DNAJC8: variants seen among roughly 807,000 people sequenced by gnomAD.
The protein encoded by DNAJC8 is dnaJ homolog subfamily C member 8.
A neutral mutation model predicts 43.2 loss-of-function variants in DNAJC8; 24 were observed. That is an observed-to-expected ratio of 0.56 (90% confidence interval 0.40 to 0.78). DNAJC8 has a LOEUF of 0.78. DNAJC8 is among the 30% of genes least tolerant of loss of function. The probability of loss-of-function intolerance (pLI) is 0.00; values close to 1 mark genes in which losing one functional copy is unlikely to be tolerated. For synonymous variants in DNAJC8, 83 were observed against 98.0 expected, an observed-to-expected ratio of 0.85 and a Z score of 0.90; for missense variants, 207 against 299.4, an observed-to-expected ratio of 0.69 and a Z score of 2.28.
chr1:28,213,848 T>G (rs547238004), intron 3 of DNAJC8, among the ~76,000 whole-genome samples: 1 of 152,004 alleles, frequency 6.6e-6, no homozygotes, highest in African/African-American at 2.4e-5. Flanking sequence ...AAACTCTGTC[T>G]CTACAAAAAA....
At chr1:28,208,107 G>A (rs546797226) in intron 6 of DNAJC8, among the ~76,000 whole-genome samples, 1 of 152,292 alleles carries the variant, frequency 6.6e-6, no homozygotes, top group Admixed American at 6.5e-5. Flanking sequence ...TTGGGAGGCT[G>A]AGGCAGAAGA....
chr1:28,228,389 G>C (rs906717079), intron 2 of DNAJC8, among the ~76,000 whole-genome samples: 4 of 149,646 alleles, frequency 2.7e-5, no homozygotes, highest in Non-Finnish European at 5.9e-5. Context: ...ACTTATTAGA[G>C]CTAGCCACCC....
intron 2 of DNAJC8, among the ~76,000 whole-genome samples, chr1:28,221,639 T>G (rs1336483124): frequency 6.6e-6 from 1 of 152,184 alleles, no homozygotes; most frequent in Non-Finnish European, 1.5e-5. Context: ...AATTATATGG[T>G]CATATGTTCC....
intron 2 of DNAJC8, among the ~76,000 whole-genome samples, chr1:28,219,915 A>G (rs1355562072): frequency 6.6e-6 from 1 of 152,120 alleles, no homozygotes; most frequent in East Asian, 1.9e-4. Context: ...GAACTCAGGC[A>G]ATCTGCTCAC....
intron 2 of DNAJC8, among the ~76,000 whole-genome samples, chr1:28,217,375 C>A (rs1488922789): frequency 2.0e-5 from 3 of 152,028 alleles, no homozygotes; most frequent in East Asian, 1.9e-4. Flanking sequence ...AATCCCAGTA[C>A]TTTGGGAGGC....
chr1:28,216,517 C>A (rs1646855719), intron 2 of DNAJC8, among the ~76,000 whole-genome samples: 1 of 152,016 alleles, frequency 6.6e-6, no homozygotes, highest in Admixed American at 6.6e-5. Flanking sequence ...ACTAATCATG[C>A]CAAATGTAAT....
chr1:28,209,750 A>G (rs1646798049), intron 5 of DNAJC8, among the ~76,000 whole-genome samples: 1 of 151,896 alleles, frequency 6.6e-6, no homozygotes, highest in South Asian at 2.1e-4. Context: ...GGAAAGAGGT[A>G]GGAGCAGTGT....
At chr1:28,210,134 A>C in intron 4 of DNAJC8, 68 bp from the exon 5 acceptor site, 1 of 1,345,936 alleles carries the variant, frequency 7.4e-7, no homozygotes, top group African/African-American at 1.4e-5. Flanking sequence ...ATACTCAGGC[A>C]GTGTAAATGG....
chr1:28,212,186 T>A (rs866274753), intron 3 of DNAJC8, among the ~76,000 whole-genome samples: 2,825 of 90,910 alleles, frequency 0.031, 220 homozygotes, highest in Non-Finnish European at 0.038. Flanking sequence ...TATATATATA[T>A]ATATATATAT....
intron 2 of DNAJC8, among the ~76,000 whole-genome samples, chr1:28,220,414 T>C (rs985423807): frequency 6.6e-6 from 1 of 152,216 alleles, no homozygotes; most frequent in Admixed American, 6.5e-5. Flanking sequence ...TCTTAGTCTG[T>C]TTTGTGTTGC....
intron 2 of DNAJC8, among the ~76,000 whole-genome samples, chr1:28,220,006 A>G (rs1178418848): frequency 1.6e-5 from 2 of 123,438 alleles, no homozygotes; most frequent in African/African-American, 3.9e-5. Flanking sequence ...TTATTTTCCA[A>G]TGGGTGATAG....
intron 6 of DNAJC8, among the ~76,000 whole-genome samples, chr1:28,207,778 G>A (rs572281881): frequency 1.3e-5 from 2 of 151,562 alleles, no homozygotes; most frequent in African/African-American, 2.4e-5. Context: ...AAATTAGGCC[G>A]CGCACGGTGG....
chr1:28,212,198 TATATATATATATATATAA>T (rs1368588295), intron 3 of DNAJC8, among the ~76,000 whole-genome samples: 2 of 113,504 alleles, frequency 1.8e-5, no homozygotes, highest in African/African-American at 7.7e-5. Flanking sequence ...TATATATATA[TATATATATATATATATAA>T]ATGAAATTAA....
intron 2 of DNAJC8, among the ~76,000 whole-genome samples, chr1:28,218,384 C>T (rs1396726285): frequency 2.0e-5 from 3 of 151,692 alleles, no homozygotes; most frequent in Non-Finnish European, 4.4e-5. Flanking sequence ...CGTGAGCCAC[C>T]GCACCCAGCC....
intron 8 of DNAJC8, among the ~76,000 whole-genome samples, chr1:28,202,582 T>C (rs1024658108): frequency 1.9e-5 from 2 of 106,832 alleles, no homozygotes; most frequent in Admixed American, 2.0e-4. Context: ...CCCGGCCTTT[T>C]TTTTTCTTTT....
At chr1:28,224,833 G>A (rs1044020614) in intron 2 of DNAJC8, among the ~76,000 whole-genome samples, 6 of 152,024 alleles carry the variant, frequency 3.9e-5, no homozygotes, top group Non-Finnish European at 7.4e-5. Context: ...GCAGTGAACC[G>A]ATATTGCGCC....
chr1:28,214,377 T>G (rs915197598), intron 3 of DNAJC8, among the ~76,000 whole-genome samples: 1 of 151,834 alleles, frequency 6.6e-6, no homozygotes, highest in African/African-American at 2.4e-5. Context: ...TCTACCAAAA[T>G]ACAAAAATTA....
chr1:28,203,854 T>C, intron 7 of DNAJC8, 32 bp from the exon 8 acceptor site: 2 of 1,605,738 alleles, frequency 1.2e-6, no homozygotes, highest in Non-Finnish European at 1.7e-6. Flanking sequence ...AGTATTTATA[T>C]GATACTTACA....
intron 2 of DNAJC8, among the ~76,000 whole-genome samples, chr1:28,224,652 A>C (rs1333221034): frequency 1.3e-5 from 2 of 152,116 alleles, no homozygotes; most frequent in East Asian, 3.9e-4. Flanking sequence ...TGGGAGGCTG[A>C]GGAGGGCGGA....
Sources: allele counts gnomAD v4.1 joint callset (sites outside exome capture counted in the v4.1 genomes callset), GRCh38; gene constraint gnomAD v4.1.1; transcripts MANE v1.5; gene names NCBI Gene and HGNC (gene_info 2026-07-23, HGNC 2026-07-21).